PPIG: variants seen among roughly 807,000 people sequenced by gnomAD.
PPIG encodes the protein peptidyl-prolyl cis-trans isomerase G.
A neutral mutation model predicts 87.9 loss-of-function variants in PPIG; 26 were observed. The ratio of observed to expected loss-of-function variants is 0.30; its 90% confidence interval spans 0.22 to 0.41. The LOEUF is 0.41. Ranked by LOEUF, PPIG falls within the 10% of genes least tolerant of loss-of-function variation. The pLI is 1.00. For synonymous variants in PPIG, 308 were observed against 276.5 expected (o/e 1.11, Z -1.13); for missense variants, 722 against 879.4 (o/e 0.82, Z 2.26).
chr2:169,611,576 C>A (rs995581414), intron 7 of PPIG, among the ~76,000 whole-genome samples: 2 of 152,006 alleles, frequency 1.3e-5, no homozygotes, highest in African/African-American at 4.8e-5. Context: ...CATTTTTAAG[C>A]CTTTTCATAT....
At chr2:169,613,796 TGCACCTATAGTCCCAGC>T (rs1685548869) in intron 7 of PPIG, among the ~76,000 whole-genome samples, 1 of 152,120 alleles carries the variant, frequency 6.6e-6, no homozygotes, top group Non-Finnish European at 1.5e-5. Context: ...CATGCTGGCA[TGCACCTATAGTCCCAGC>T]TACTTGGGAT....
intron 9 of PPIG, among the ~76,000 whole-genome samples, chr2:169,624,882 G>A (rs933594213): frequency 6.6e-5 from 10 of 152,142 alleles, no homozygotes; most frequent in Non-Finnish European, 7.4e-5. Context: ...GAGCCACCGC[G>A]CCCAGCCGGA....
chr2:169,591,169 TA>T (rs1684853334), intron 1 of PPIG, among the ~76,000 whole-genome samples: 1 of 152,260 alleles, frequency 6.6e-6, no homozygotes, highest in Non-Finnish European at 1.5e-5. Context: ...TTTTAATAAT[TA>T]GTTGCCTATA....
At chr2:169,595,719 A>G (rs1283767927) in intron 1 of PPIG, among the ~76,000 whole-genome samples, 1 of 152,164 alleles carries the variant, frequency 6.6e-6, no homozygotes, top group African/African-American at 2.4e-5. Context: ...AGTTCCATCC[A>G]TGTTGTTACA....
At chr2:169,615,316 G>A (rs1238132350) in intron 9 of PPIG, among the ~76,000 whole-genome samples, 1 of 152,160 alleles carries the variant, frequency 6.6e-6, no homozygotes, top group Non-Finnish European at 1.5e-5. Context: ...CAAAGTGCTG[G>A]GATTACAGGT....
At chr2:169,599,725 G>A (rs1022926301) in intron 1 of PPIG, among the ~76,000 whole-genome samples, 5 of 152,094 alleles carry the variant, frequency 3.3e-5, no homozygotes, top group African/African-American at 1.2e-4. Context: ...AAAGGTTTTG[G>A]TTGTCACAGT....
chr2:169,621,942 AT>A (rs34574730), intron 9 of PPIG, among the ~76,000 whole-genome samples: 84,275 of 146,942 alleles, frequency 0.57, 24,477 homozygotes, highest in African/African-American at 0.7. Flanking sequence ...AAAAAAAAAA[AT>A]TTTTTTTTAA....
intron 9 of PPIG, among the ~76,000 whole-genome samples, chr2:169,628,463 G>A (rs1685952943): frequency 6.6e-6 from 1 of 152,162 alleles, no homozygotes; most frequent in Non-Finnish European, 1.5e-5. Context: ...ACTTCAGCCA[G>A]ATTTTCATGT....
At chr2:169,594,383 G>A (rs112009556) in intron 1 of PPIG, among the ~76,000 whole-genome samples, 60 of 149,672 alleles carry the variant, frequency 4.0e-4, no homozygotes, top group African/African-American at 1.4e-3. Context: ...TCCTGATTAC[G>A]AAATTGAAGA....
chr2:169,585,599 G>T lies in PPIG; in HGVS notation c.-70+1109G>T, dbSNP rs141848535. On this transcript the variant is annotated intron_variant, in intron 1 of 13. Coordinates refer to ENST00000260970, the MANE Select transcript of PPIG (RefSeq NM_004792.3). ...TTAAGGAGCAAAGTCTAGATGTGCT[G>T]GCAAGGAGTATGCACAATCGTTTTG... Among the ~76,000 whole-genome samples the T allele has an allele frequency of 2.7e-3, 409 of 152,228 alleles. 1 individual carries two copies. The highest frequency in any genetic ancestry group is 4.4e-3 in the Non-Finnish European group (301 of 68,020).
At chr2:169,585,681 CCTTT>C (rs1209696935) in intron 1 of PPIG, among the ~76,000 whole-genome samples, 1 of 152,112 alleles carries the variant, frequency 6.6e-6, no homozygotes. Flanking sequence ...CCACGATAGC[CCTTT>C]CTGTGTGTAA....
chr2:169,619,433 TTC>T (rs1252472122), intron 9 of PPIG, among the ~76,000 whole-genome samples: 6 of 152,226 alleles, frequency 3.9e-5, no homozygotes, highest in Non-Finnish European at 8.8e-5. Context: ...CTTGTTAATT[TTC>T]TGTCTCATTG....
intron 1 of PPIG, among the ~76,000 whole-genome samples, chr2:169,591,706 CAT>C (rs1684865987): frequency 6.6e-6 from 1 of 151,258 alleles, no homozygotes; most frequent in Non-Finnish European, 1.5e-5. Context: ...CAAACTAGAA[CAT>C]ATATATGTCA....
intron 9 of PPIG, among the ~76,000 whole-genome samples, chr2:169,622,641 G>T (rs1685786902): frequency 6.6e-6 from 1 of 152,122 alleles, no homozygotes; most frequent in African/African-American, 2.4e-5. Context: ...TTTGTTTTGA[G>T]CCAGACTTCC....
chr2:169,631,748 G>T lies in PPIG; in HGVS notation c.762-18G>T, dbSNP rs762177723. ...AATAACCAACTGTAACTTGTTTTGT[G>T]TGTTTCTGTCTGTTAAGTGCATCTA... is the stretch of plus-strand genomic sequence containing the variant. On this transcript the variant is annotated intron_variant, in intron 10 of 13. Transcript: ENST00000260970. 2 of 1,613,426 alleles carry T rather than the reference G, an allele frequency of 1.2e-6. No homozygotes were observed. Among genetic ancestry groups the T allele is most frequent in the South Asian group, 1.1e-5 (1 of 90,962 alleles).
chr2:169,592,618 C>T (rs1319696025), intron 1 of PPIG, among the ~76,000 whole-genome samples: 1 of 151,700 alleles, frequency 6.6e-6, no homozygotes, highest in Non-Finnish European at 1.5e-5. Flanking sequence ...TTTCTTTTTT[C>T]TAATAGAGAT....
At position 169,604,224 on chromosome 2, in the gene PPIG, C is replaced by G; in HGVS notation, c.99C>G (p.Cys33Trp). The change falls in exon 4 of 14, where the codon TGC becomes TGG. Residue 33 changes from cysteine to tryptophan, a missense_variant. Physicochemically the swap from Cys to Trp is radical, Grantham distance 215 (BLOSUM62 -2). Coordinates refer to ENST00000260970, the MANE Select transcript of PPIG (RefSeq NM_004792.3). ...RVVFELFSDV[C>W]PKTCENFRCL... is the part of the protein sequence containing the mutation. Reference sequence around the variant, plus strand: ...TCTTTGAATTATTTTCTGATGTGTGCCCCAAAACATGCGAGAACTTTCGTT... The same window carrying G: ...TCTTTGAATTATTTTCTGATGTGTGGCCCAAAACATGCGAGAACTTTCGTT... 1 of 1,612,308 alleles carries G rather than the reference C, an allele frequency of 6.2e-7. No individual in the cohort carries two copies.
intron 1 of PPIG, 164 bp downstream of exon 1, chr2:169,584,654 T>C (rs1684647734): frequency 2.5e-6 from 1 of 394,982 alleles, no homozygotes; most frequent in African/African-American, 2.2e-5. Flanking sequence ...CCAGAGGAAG[T>C]CCCTGAGGAC....
chr2:169,626,446 T>C (rs1433274616), intron 9 of PPIG, among the ~76,000 whole-genome samples: 1 of 152,190 alleles, frequency 6.6e-6, no homozygotes, highest in African/African-American at 2.4e-5. Context: ...CAGGCTGGAG[T>C]GCAGTGACGC....
Sources: allele counts gnomAD v4.1 joint callset (sites outside exome capture counted in the v4.1 genomes callset), GRCh38; gene constraint gnomAD v4.1.1; transcripts MANE v1.5; gene names NCBI Gene and HGNC (gene_info 2026-07-23, HGNC 2026-07-21).